GALNT10: variants seen among roughly 807,000 people sequenced by gnomAD.
The protein encoded by GALNT10 is polypeptide N-acetylgalactosaminyltransferase 10, also known as GalNAc transferase 10.
In GALNT10, 41 loss-of-function variants were observed where a neutral mutation model predicts 75.0. The observed-to-expected ratio is 0.55, with a 90% CI of 0.43 to 0.71. GALNT10 has a LOEUF of 0.71. GALNT10 is among the 30% of genes least tolerant of loss of function. The pLI is 0.00. For missense variants in GALNT10, 727 were observed against 818.5 expected, an observed-to-expected ratio of 0.89 and a Z score of 1.36; for synonymous variants, 302 against 313.0, an observed-to-expected ratio of 0.96 and a Z score of 0.37.
intron 1 of GALNT10, among the ~76,000 whole-genome samples, chr5:154,264,974 C>G (rs1416933618): frequency 6.6e-6 from 1 of 152,186 alleles, no homozygotes; most frequent in Non-Finnish European, 1.5e-5. Flanking sequence ...CCAGTCAGAG[C>G]TCCCTTCCTG....
At chr5:154,366,915 G>T (rs1049214710) in intron 4 of GALNT10, among the ~76,000 whole-genome samples, 7 of 152,268 alleles carry the variant, frequency 4.6e-5, no homozygotes, top group African/African-American at 1.7e-4. Flanking sequence ...TTGGGTCAGG[G>T]GCCGTGGCAG....
intron 3 of GALNT10, among the ~76,000 whole-genome samples, chr5:154,303,464 G>C (rs571354126): frequency 5.3e-5 from 8 of 152,310 alleles, no homozygotes; most frequent in Non-Finnish European, 8.8e-5. Flanking sequence ...AGCACCTGCC[G>C]TGAGGAAGCT....
At chr5:154,260,525 G>C (rs1257733458) in intron 1 of GALNT10, among the ~76,000 whole-genome samples, 5 of 152,078 alleles carry the variant, frequency 3.3e-5, no homozygotes, top group African/African-American at 1.2e-4. Flanking sequence ...TTATGACAGT[G>C]GCAGAATCCA....
chr5:154,276,468 C>G (rs572943508), intron 1 of GALNT10, among the ~76,000 whole-genome samples: 5 of 117,332 alleles, frequency 4.3e-5, no homozygotes, highest in Non-Finnish European at 7.6e-5. Flanking sequence ...TTAAGTCGAC[C>G]TGGATAATCT....
At chr5:154,368,513 T>G (rs1263013658) in intron 4 of GALNT10, among the ~76,000 whole-genome samples, 1 of 152,206 alleles carries the variant, frequency 6.6e-6, no homozygotes, top group Non-Finnish European at 1.5e-5. Flanking sequence ...TCCAAGCTGC[T>G]CATCAAAAGT....
chr5:154,205,315 G>T (rs545531631), intron 1 of GALNT10, among the ~76,000 whole-genome samples: 2 of 152,308 alleles, frequency 1.3e-5, no homozygotes, highest in South Asian at 4.2e-4. Context: ...GGATCCATTT[G>T]GTTCTCTCCC....
At chr5:154,400,113 G>A (rs1373906079) in intron 7 of GALNT10, among the ~76,000 whole-genome samples, 1 of 152,186 alleles carries the variant, frequency 6.6e-6, no homozygotes, top group Non-Finnish European at 1.5e-5. Context: ...TCTCTAGCCT[G>A]TGTGACAGAG....
chr5:154,211,171 G>A (rs1775192588), intron 1 of GALNT10, among the ~76,000 whole-genome samples: 1 of 152,234 alleles, frequency 6.6e-6, no homozygotes, highest in South Asian at 2.1e-4. Context: ...TATAAAGGCA[G>A]GAGGGCAGGA....
At chr5:154,246,751 C>T (rs1007321386) in intron 1 of GALNT10, among the ~76,000 whole-genome samples, 2 of 152,142 alleles carry the variant, frequency 1.3e-5, no homozygotes, top group Admixed American at 6.5e-5. Flanking sequence ...TTCTCCCATT[C>T]TGTAGGTTGC....
intron 4 of GALNT10, among the ~76,000 whole-genome samples, chr5:154,344,463 G>A (rs987381810): frequency 6.6e-6 from 1 of 151,996 alleles, no homozygotes; most frequent in Non-Finnish European, 1.5e-5. Context: ...GCCCACCTTG[G>A]CCTCCCAAAG....
At chr5:154,411,089 T>C (rs1486797853) in intron 9 of GALNT10, among the ~76,000 whole-genome samples, 1 of 152,090 alleles carries the variant, frequency 6.6e-6, no homozygotes, top group African/African-American at 2.4e-5. Flanking sequence ...ATGGATAGGT[T>C]GGAGCTTGGA....
intron 3 of GALNT10, among the ~76,000 whole-genome samples, chr5:154,318,998 A>G (rs1754637151): frequency 6.6e-6 from 1 of 152,242 alleles, no homozygotes; most frequent in African/African-American, 2.4e-5. Context: ...CTCTTCTTTC[A>G]CAGTACCTTT....
chr5:154,237,576 C>T (rs1215004511), intron 1 of GALNT10, among the ~76,000 whole-genome samples: 2 of 152,158 alleles, frequency 1.3e-5, no homozygotes, highest in Admixed American at 6.5e-5. Flanking sequence ...TTTGTTTCTC[C>T]AATTGGGAAA....
intron 1 of GALNT10, among the ~76,000 whole-genome samples, chr5:154,238,190 T>C (rs1024479926): frequency 2.6e-5 from 4 of 152,014 alleles, no homozygotes; most frequent in African/African-American, 7.3e-5. Context: ...CCCACAGGCG[T>C]GGAAAGGAAG....
chr5:154,360,148 C>A (rs920074059), intron 4 of GALNT10, among the ~76,000 whole-genome samples: 2 of 152,110 alleles, frequency 1.3e-5, no homozygotes, highest in African/African-American at 4.8e-5. Flanking sequence ...TATGATGAAT[C>A]TATTAAAAAC....
intron 4 of GALNT10, among the ~76,000 whole-genome samples, chr5:154,373,783 C>T (rs1755613529): frequency 6.6e-6 from 1 of 152,134 alleles, no homozygotes; most frequent in Non-Finnish European, 1.5e-5. Context: ...AGCATAATTG[C>T]CCCTAAATAA....
rs1222153652 is a variant in GALNT10, at chr5:154,383,168, C to CTTCTGCT, written c.938+2540_938+2546dup. 3.3e-5 allele frequency among the ~76,000 whole-genome samples: 5 copies of CTTCTGCT among 152,318 alleles called. No individual in the cohort carries two copies. In the East Asian group the frequency reaches 7.7e-4, roughly 24 times the overall value. On this transcript the variant is annotated intron_variant, in intron 6 of 11. Coordinates refer to ENST00000297107, the MANE Select transcript of GALNT10 (RefSeq NM_198321.4). The stretch of plus-strand genomic sequence containing the variant: ...CCCATGATTCCTTCCAGAAGTCTCT[C>CTTCTGCT]TTCTGCTTTTTACTTGGACAGAACC...
At chr5:154,336,478 C>T (rs1250441178) in intron 4 of GALNT10, among the ~76,000 whole-genome samples, 1 of 152,132 alleles carries the variant, frequency 6.6e-6, no homozygotes, top group African/African-American at 2.4e-5. Context: ...CCTGCTGTTC[C>T]ACCTCCTCGT....
chr5:154,269,571 C>T (rs1753829904), intron 1 of GALNT10, among the ~76,000 whole-genome samples: 1 of 152,218 alleles, frequency 6.6e-6, no homozygotes, highest in African/African-American at 2.4e-5. Context: ...AAATGTGAGA[C>T]TGTCAGAACC....
Sources: gnomAD v4.1 joint callset for allele counts (sites outside exome capture counted in the v4.1 genomes callset) on GRCh38, gnomAD v4.1.1 for gene constraint, MANE v1.5 for transcripts, NCBI Gene and HGNC (gene_info 2026-07-23, HGNC 2026-07-21) for gene names.